Variants in ENTPD1 observed in about 807,000 individuals in gnomAD.
ENTPD1 encodes the protein ATP diphosphohydrolase.
A neutral mutation model predicts 57.0 loss-of-function variants in ENTPD1; 33 were observed. That is an observed-to-expected ratio of 0.58 (90% CI 0.44 to 0.77). The LOEUF (loss-of-function observed/expected upper bound fraction) is 0.77. ENTPD1 is among the 30% of genes least tolerant of loss of function. ENTPD1 has a pLI of 0.00. For missense variants in ENTPD1, 501 were observed against 603.4 expected, an observed-to-expected ratio of 0.83 and a Z score of 1.78; for synonymous variants, 202 against 218.8, an observed-to-expected ratio of 0.92 and a Z score of 0.68.
rs1298326175 is a variant in ENTPD1 at position 95,870,821 on chromosome 10, C to CT, written c.*4441dup. 1 of 985,244 alleles carries CT rather than the reference C, an allele frequency of 1.0e-6. No homozygotes were observed. The highest frequency in any genetic ancestry group is 1.7e-5 in the African/African-American group (1 of 57,212). The allele number at this position is 985,244 out of a possible 1,614,324, so 61.0% of individuals were successfully genotyped here. ...TGTTTCTTTCCATTTGTATTAGGTC[C>CT]TTTACTTTTTATAACAGCCTCAAAG... On this transcript the variant is annotated 3_prime_UTR_variant, in exon 10 of 10. Transcript: ENST00000371205.
At chr10:95,795,195 A>G (rs2098221282) in intron 1 of ENTPD1, among the ~76,000 whole-genome samples, 2 of 152,152 alleles carry the variant, frequency 1.3e-5, no homozygotes, top group African/African-American at 2.4e-5. Context: ...GTTACATGGC[A>G]TTGAATTTTT....
exon 1 of ENTPD1, chr10:95,711,852 T>C: frequency 6.5e-7 from 1 of 1,537,058 alleles, no homozygotes; most frequent in South Asian, 1.1e-5. Flanking sequence ...TTGTCAGCGA[T>C]TGTCAGTGAA....
Position 95,763,811 on chromosome 10 carries a change from C to T in ENTPD1, c.16+7556C>T, listed in dbSNP as rs74518319. Among the ~76,000 whole-genome samples, 504 of 152,330 alleles carry T rather than the reference C, an allele frequency of 3.3e-3. 2 individuals carry two copies. The highest frequency in any genetic ancestry group is 0.011 in the African/African-American group (477 of 41,576). The stretch of plus-strand genomic sequence containing the variant: ...TGCTGGTGGCTTTAGTTAGTTAACA[C>T]ACAGGCTTATAGTGGACATTGGTTC... On this transcript the variant is annotated intron_variant, in intron 1 of 9. Coordinates refer to ENST00000371205, the MANE Select transcript of ENTPD1 (RefSeq NM_001776.6).
At chr10:95,754,792 A>C (rs1334631964), upstream of ENTPD1, 1 of 152,244 alleles carries the variant, frequency 6.6e-6, no homozygotes, top group Non-Finnish European at 1.5e-5. Flanking sequence ...TCAGAAATAA[A>C]GTATTGTTAA....
chr10:95,705,130 A>G, the ENTPD1 span, among the ~76,000 whole-genome samples: 1 of 152,196 alleles, frequency 6.6e-6, no homozygotes, highest in Non-Finnish European at 1.5e-5. Flanking sequence ...GGTGGAGGAT[A>G]TGGAGTTACT....
intron 7 of ENTPD1, among the ~76,000 whole-genome samples, chr10:95,854,351 C>T (rs950025958): frequency 1.4e-4 from 22 of 152,258 alleles, no homozygotes; most frequent in African/African-American, 5.1e-4. Flanking sequence ...TGCTAGCAGT[C>T]TATCAATTTT....
At chr10:95,819,252 G>A (rs2098340308) in intron 1 of ENTPD1, among the ~76,000 whole-genome samples, 1 of 152,072 alleles carries the variant, frequency 6.6e-6, no homozygotes, top group African/African-American at 2.4e-5. Context: ...CAACCTCGGT[G>A]TCCTGGGCTC....
chr10:95,872,310 T>TCAA lies in ENTPD1; in HGVS notation c.*5928_*5930dup. ...CCTCCCCATCAGACATTCAAGGCTT[T>TCAA]CAATGATCCATGGCCGCCAGCTCTC... On this transcript the variant is annotated 3_prime_UTR_variant, in exon 10 of 10. Transcript: ENST00000371205. The TCAA allele has an allele frequency of 1.0e-6, 1 of 985,400 alleles. No homozygotes were observed. Among genetic ancestry groups the TCAA allele is most frequent in the Non-Finnish European group, 1.2e-6 (1 of 829,930 alleles). 61.0% of individuals were successfully genotyped at this position (985,400 alleles called of 1,614,324 possible).
chr10:95,830,168 T>C (rs141669284), intron 2 of ENTPD1, among the ~76,000 whole-genome samples: 168 of 152,210 alleles, frequency 1.1e-3, no homozygotes, highest in African/African-American at 4.0e-3. Flanking sequence ...AGACAAATGG[T>C]AAGGAGTTTT....
upstream of ENTPD1, chr10:95,753,282 A>T (rs2098015046): frequency 6.6e-6 from 1 of 152,314 alleles, no homozygotes; most frequent in African/African-American, 2.4e-5. Flanking sequence ...CATCTCTTTT[A>T]TAATTATTCT....
At position 95,860,464 on chromosome 10, in the gene ENTPD1, T is replaced by C. The variant is rs754492202; in HGVS notation, c.1075-5T>C. 2 of 1,611,300 alleles carry C rather than the reference T, an allele frequency of 1.2e-6. No homozygotes were observed. Among genetic ancestry groups the C allele is most frequent in the Admixed American group, 1.7e-5 (1 of 59,912 alleles). ...ACAGCCTAAAACTGCGATTTTCTCT[T>C]GTAGGCATTTTCAGCTTTTTACTTT... is the stretch of plus-strand genomic sequence containing the variant. On this transcript the variant is annotated splice_polypyrimidine_tract_variant and splice_region_variant and intron_variant, in intron 7 of 9. Transcript: ENST00000371205.
chr10:95,694,434 A>C, the ENTPD1 span, among the ~76,000 whole-genome samples: 10 of 152,072 alleles, frequency 6.6e-5, no homozygotes, highest in Non-Finnish European at 8.8e-5. Flanking sequence ...AAAAAAAAAA[A>C]ACACATTAGA....
At chr10:95,784,756 G>A (rs6584027) in intron 1 of ENTPD1, among the ~76,000 whole-genome samples, 76,204 of 151,878 alleles carry the variant, frequency 0.5, 19,617 homozygotes, top group Admixed American at 0.6. Context: ...GGAGGAGGAA[G>A]TAAAGCTGGA....
At position 95,867,091 on chromosome 10, in the gene ENTPD1, T is replaced by C. The variant is rs954905188; in HGVS notation, c.*708T>C. 2 of 986,610 alleles carry C rather than the reference T, an allele frequency of 2.0e-6. No homozygotes were observed. Among genetic ancestry groups the C allele is most frequent in the Non-Finnish European group, 2.4e-6 (2 of 830,896 alleles). The allele number at this position is 986,610 out of a possible 1,614,324, so 61.1% of individuals were successfully genotyped here. On this transcript the variant is annotated 3_prime_UTR_variant, in exon 10 of 10. Transcript: ENST00000371205. ...GATTTGCAAAAAGCAGATGTAAATA[T>C]ATGCATTCAAACATCAGGGCTTACT... is the stretch of plus-strand genomic sequence containing the variant.
At chr10:95,754,987 A>G (rs796407375), upstream of ENTPD1, 1 of 152,344 alleles carries the variant, frequency 6.6e-6, no homozygotes, top group Non-Finnish European at 1.5e-5. Context: ...CACAAATTTA[A>G]TGATTTATAT....
At chr10:95,704,371 C>G in the ENTPD1 span, among the ~76,000 whole-genome samples, 1 of 152,082 alleles carries the variant, frequency 6.6e-6, no homozygotes, top group African/African-American at 2.4e-5. Flanking sequence ...AGGCCTCTAC[C>G]TACTAGATAT....
chr10:95,846,007 GA>G (rs61643094), intron 6 of ENTPD1: 868 of 155,352 alleles, frequency 5.6e-3, no homozygotes, highest in South Asian at 0.018. Context: ...AGAGGAGAAG[GA>G]AAAAAAAAAA....
chr10:95,758,358 G>C (rs965543509), intron 1 of ENTPD1, among the ~76,000 whole-genome samples: 5 of 152,170 alleles, frequency 3.3e-5, no homozygotes, highest in African/African-American at 1.2e-4. Context: ...GTTGTGGTAA[G>C]GACTGAATGA....
intron 1 of ENTPD1, among the ~76,000 whole-genome samples, chr10:95,770,404 A>G (rs1192219977): frequency 6.6e-6 from 1 of 152,116 alleles, no homozygotes. Context: ...AAATAAGATG[A>G]AACTGAGAAT....
Sources: gnomAD v4.1 joint callset for allele counts (sites outside exome capture counted in the v4.1 genomes callset) on GRCh38, gnomAD v4.1.1 for gene constraint, MANE v1.5 for transcripts, NCBI Gene and HGNC (gene_info 2026-07-23, HGNC 2026-07-21) for gene names.